Variants in FAM200A observed in about 807,000 individuals in gnomAD.
FAM200A encodes protein FAM200A.
Under a neutral mutation model 44.2 loss-of-function variants are expected in FAM200A, and 26 were observed. The observed-to-expected ratio is 0.59, with a 90% CI of 0.43 to 0.82. FAM200A has a LOEUF of 0.82. Among genes scored for constraint, FAM200A ranks in the 40% least tolerant of loss-of-function variants. The pLI is 0.00. For missense variants in FAM200A, 606 were observed against 669.5 expected, an observed-to-expected ratio of 0.91 and a Z score of 1.05; for synonymous variants, 206 against 244.4, an observed-to-expected ratio of 0.84 and a Z score of 1.47.
At position 99,546,938 on chromosome 7, in the gene FAM200A, A is replaced by G; in HGVS notation, c.1470T>C (p.Tyr490=). 2 of 1,549,376 alleles carry G rather than the reference A, an allele frequency of 1.3e-6. No individual in the cohort carries two copies. Among genetic ancestry groups the G allele is most frequent in the Non-Finnish European group, 1.7e-6 (2 of 1,146,466 alleles). Residue 490 remains tyrosine (Y), a synonymous_variant, in exon 2 of 2, where the codon TAT becomes TAC. Transcript: ENST00000449309. The part of the protein sequence containing the change: ...LSSSFTLKNY[Y]KILSLSAFWI... The stretch of plus-strand genomic sequence containing the variant: ...AAAATGCTGATAAACTTAATATCTT[A>G]TAATAATTCTTTAGTGTGAATGATG...
At chr7:99,556,689 A>G (rs2151134305), upstream of FAM200A, among the ~76,000 whole-genome samples, 2 of 152,264 alleles carry the variant, frequency 1.3e-5, no homozygotes, top group Middle Eastern at 3.4e-3. Flanking sequence ...GCAATCCTAA[A>G]TCCTTAGCAT....
chr7:99,556,778 G>A (rs1003225922), upstream of FAM200A, among the ~76,000 whole-genome samples: 13 of 152,354 alleles, frequency 8.5e-5, no homozygotes, highest in African/African-American at 2.4e-4. Flanking sequence ...GCTCACGCCT[G>A]TAATCCCAGC....
chr7:99,552,192 T>C (rs1173834062), upstream of FAM200A: 1 of 984,266 alleles, frequency 1.0e-6, no homozygotes, highest in African/African-American at 1.7e-5. Context: ...GCGGGAGGAC[T>C]TTGCATCCCT....
chr7:99,554,490 A>G (rs1484641451), upstream of FAM200A, among the ~76,000 whole-genome samples: 2 of 151,738 alleles, frequency 1.3e-5, no homozygotes, highest in Non-Finnish European at 2.9e-5. Context: ...AAAAAAAAAA[A>G]AAAAAAAAAA....
In FAM200A at chr7:99,547,970, C is replaced by G. The variant is rs1384447646; in HGVS notation, c.438G>C (p.Glu146Asp). The change falls in exon 2 of 2, where the codon GAG (glutamate) becomes GAC (aspartate). Residue 146 changes from glutamate to aspartate, a missense_variant. Physicochemically the swap from Glu to Asp is conservative, Grantham distance 45 (BLOSUM62 2). Transcript: ENST00000449309. ...TGGGACAACTTGCAATATCAGTGCT[C>G]TCATCGAGTTGGATTGCAAAGTCTA... is the stretch of plus-strand genomic sequence containing the variant. The part of the protein sequence containing the change: ...SGIDFAIQLD[E>D]STDIASCPTL... The G allele has an allele frequency of 2.6e-6, 4 of 1,551,280 alleles. No homozygotes were observed. Among genetic ancestry groups the G allele is most frequent in the Non-Finnish European group, 8.7e-7 (1 of 1,146,998 alleles).
At chr7:99,550,325 A>AG (rs1338399600) in intron 1 of FAM200A, among the ~76,000 whole-genome samples, 3 of 152,056 alleles carry the variant, frequency 2.0e-5, no homozygotes, top group African/African-American at 7.2e-5. Context: ...TGGCCAGGCT[A>AG]GTCTCAAACT....
chr7:99,556,750 A>C (rs961620695), upstream of FAM200A, among the ~76,000 whole-genome samples: 2 of 152,230 alleles, frequency 1.3e-5, no homozygotes, highest in Admixed American at 1.3e-4. Flanking sequence ...AAAAAAACAA[A>C]ACAGGCTCGG....
At chr7:99,556,527 A>T (rs1034798448), upstream of FAM200A, among the ~76,000 whole-genome samples, 1 of 152,108 alleles carries the variant, frequency 6.6e-6, no homozygotes, top group Non-Finnish European at 1.5e-5. Context: ...TCTTTAAGAA[A>T]TTCAACCTCA....
rs1411654382 is a variant in FAM200A at position 99,547,713 on chromosome 7, G to A, written c.695C>T (p.Thr232Ile). Reference protein sequence around the residue: ...SRLTEKLLEATHNNAVWNHCF... With the variant: ...SRLTEKLLEAIHNNAVWNHCF... ...GTGATTCCAAACAGCATTGTTGTGG[G>A]TTGCTTCTAACAATTTTTCAGTAAG... The change falls in exon 2 of 2, where the codon ACC becomes ATC. Residue 232 changes from threonine (T) to isoleucine (I), a missense_variant. Transcript: ENST00000449309. 2 of 1,551,596 alleles carry A rather than the reference G, an allele frequency of 1.3e-6. No homozygotes were observed. The highest frequency in any genetic ancestry group is 1.4e-5 in the African/African-American group (1 of 73,148).
chr7:99,553,068 CACATATATATATATATATAT>C (rs1802583364), upstream of FAM200A, among the ~76,000 whole-genome samples: 1 of 89,360 alleles, frequency 1.1e-5, no homozygotes, highest in South Asian at 4.2e-4. Context: ...TATATACACA[CACATATATATATATATATAT>C]ATATATATAT....
At position 99,547,397 on chromosome 7, in the gene FAM200A, G is replaced by A. The variant is rs570574827; in HGVS notation, c.1011C>T (p.Asp337=). 11 of 1,550,630 alleles carry A rather than the reference G, an allele frequency of 7.1e-6. No individual in the cohort carries two copies. The highest frequency in any genetic ancestry group is 1.7e-4 in the Middle Eastern group (1 of 6,008). The change falls in exon 2 of 2, where the codon GAC becomes GAT. Residue 337 remains aspartate (D), a synonymous_variant. Coordinates refer to ENST00000449309, the MANE Select transcript of FAM200A (RefSeq NM_145111.4). ...ATGCCAATTTTGTTACCCAAATGTC[G>A]TCTTCAAAAATATTTGCCAAATGAG... ...KQSHLANIFE[D]DIWVTKLAYL...
intron 1 of FAM200A, among the ~76,000 whole-genome samples, chr7:99,550,113 C>T (rs1417986962): frequency 6.6e-6 from 1 of 151,516 alleles, no homozygotes. Flanking sequence ...TAAATGAACC[C>T]CCCCCTTTTT....
At position 99,548,186 on chromosome 7, in the gene FAM200A, C is replaced by T. The variant is rs958315732; in HGVS notation, c.222G>A (p.Glu74=). The change falls in exon 2 of 2, where the codon GAG becomes GAA. Residue 74 remains glutamate (E), a synonymous_variant. Transcript: ENST00000449309. ...TTTCAGCCGCTGTGTGAGCCATTTT[C>T]TCTTTTGCCACTCTATATGCAACTA... is the stretch of plus-strand genomic sequence containing the variant. ...SYLVAYRVAK[E]KMAHTAAEKI... 1 of 1,559,294 alleles carries T rather than the reference C, an allele frequency of 6.4e-7. No homozygotes were observed. Among genetic ancestry groups the T allele is most frequent in the Non-Finnish European group, 8.7e-7 (1 of 1,150,648 alleles).
upstream of FAM200A, among the ~76,000 whole-genome samples, chr7:99,552,583 G>T (rs1006007287): frequency 3.3e-5 from 5 of 152,144 alleles, 1 homozygote; most frequent in Non-Finnish European, 1.5e-5. Context: ...TTCTGAGTTT[G>T]CCTTATGTTT....
chr7:99,553,068 C>CATATATATATAT (rs745655559), upstream of FAM200A, among the ~76,000 whole-genome samples: 32 of 89,356 alleles, frequency 3.6e-4, no homozygotes, highest in South Asian at 2.1e-3. Flanking sequence ...TATATACACA[C>CATATATATATAT]ACATATATAT....
At chr7:99,550,173 C>T (rs1362367166) in intron 1 of FAM200A, among the ~76,000 whole-genome samples, 1 of 151,788 alleles carries the variant, frequency 6.6e-6, no homozygotes, top group Admixed American at 6.6e-5. Context: ...TGCAGTGGCA[C>T]GATCTCAGCT....
upstream of FAM200A, among the ~76,000 whole-genome samples, chr7:99,555,391 T>C (rs1802657998): frequency 6.6e-6 from 1 of 152,200 alleles, no homozygotes; most frequent in Admixed American, 6.5e-5. Flanking sequence ...TTCTGACTTC[T>C]AGCCTCCAGA....
intron 1 of FAM200A, among the ~76,000 whole-genome samples, chr7:99,549,949 A>C (rs1420367177): frequency 6.6e-6 from 1 of 152,098 alleles, no homozygotes; most frequent in Non-Finnish European, 1.5e-5. Flanking sequence ...ACCTAATGTA[A>C]ATGATGAGTT....
At chr7:99,553,083 ATATATATATATATATATT>A (rs1239464590), upstream of FAM200A, among the ~76,000 whole-genome samples, 5 of 95,134 alleles carry the variant, frequency 5.3e-5, 1 homozygote, top group Admixed American at 2.1e-4. Flanking sequence ...ATATATATAT[ATATATATATATATATATT>A]TTTTTTTTTT....
Sources: gnomAD v4.1 joint callset for allele counts (sites outside exome capture counted in the v4.1 genomes callset) on GRCh38, gnomAD v4.1.1 for gene constraint, MANE v1.5 for transcripts, NCBI Gene and HGNC (gene_info 2026-07-23, HGNC 2026-07-21) for gene names.